The following HECW2 variants were observed in gnomAD, a reference collection of about 807,000 sequenced individuals.
HECW2 encodes HECT, C2 and WW domain containing E3 ubiquitin protein ligase 2.
A neutral mutation model predicts 175.2 loss-of-function variants in HECW2; 61 were observed. The ratio of observed to expected loss-of-function variants is 0.35; its 90% CI spans 0.28 to 0.43. The LOEUF (loss-of-function observed/expected upper bound fraction) is 0.43. Among genes scored for constraint, HECW2 ranks in the 20% least tolerant of loss-of-function variants. HECW2 has a pLI of 1.00. For missense variants in HECW2, 1,524 were observed against 2,000.5 expected (o/e 0.76, Z 4.54); for synonymous variants, 671 against 731.0 (o/e 0.92, Z 1.32).
intron 1 of HECW2, among the ~76,000 whole-genome samples, chr2:196,585,486 C>T (rs1690941479): frequency 6.6e-6 from 1 of 152,154 alleles, no homozygotes; most frequent in African/African-American, 2.4e-5. Flanking sequence ...TAAATGCATG[C>T]TATAGCTGGA....
intron 21 of HECW2, among the ~76,000 whole-genome samples, chr2:196,230,677 C>CTTTGGATAAG (rs1317447137): frequency 1.3e-5 from 2 of 152,214 alleles, no homozygotes; most frequent in Non-Finnish European, 2.9e-5. Flanking sequence ...TAAACTTATC[C>CTTTGGATAAG]TGCCTTTGGA....
At chr2:196,584,388 TA>T (rs146358309) in intron 1 of HECW2, among the ~76,000 whole-genome samples, 2,027 of 152,276 alleles carry the variant, frequency 0.013, 46 homozygotes, top group African/African-American at 0.046. Flanking sequence ...GACCACCTGT[TA>T]AAAACACTGA....
At chr2:196,573,488 G>C (rs1690455820) in intron 1 of HECW2, among the ~76,000 whole-genome samples, 1 of 152,056 alleles carries the variant, frequency 6.6e-6, no homozygotes, top group South Asian at 2.1e-4. Context: ...CTCTGGCAGA[G>C]TGCATGGACA....
intron 3 of HECW2, among the ~76,000 whole-genome samples, chr2:196,342,000 A>G (rs1692769220): frequency 6.6e-6 from 1 of 152,236 alleles, no homozygotes; most frequent in Admixed American, 6.5e-5. Flanking sequence ...TTTAAGTACT[A>G]GTACCCACAC....
At chr2:196,570,325 C>A (rs1469990427) in intron 1 of HECW2, among the ~76,000 whole-genome samples, 1 of 152,192 alleles carries the variant, frequency 6.6e-6, no homozygotes, top group East Asian at 1.9e-4. Context: ...ACCTATCAAA[C>A]CAGCTACCTT....
In HECW2 at chr2:196,433,217, C is replaced by T. The variant is rs80093741; in HGVS notation, c.207G>A (p.Thr69=). 5.4e-3 allele frequency: 8,729 copies of T among 1,614,140 alleles called. 37 individuals are homozygous for T. The highest frequency in any genetic ancestry group is 8.1e-3 in the South Asian group (741 of 91,078). Residue 69 remains threonine (T), a synonymous_variant, in exon 2 of 29, where the codon ACG becomes ACA. Transcript: ENST00000644978. ...SSLTASMYEY[T]LGQAQNLIIF... is the part of the protein sequence containing the mutation. ...TAATGAGGTTCTGGGCTTGCCCCAG[C>T]GTGTACTCGTACATGCTGGCAGTTA... is the stretch of plus-strand genomic sequence containing the variant.
At chr2:196,324,617 G>A (rs1692076224) in intron 6 of HECW2, among the ~76,000 whole-genome samples, 1 of 151,840 alleles carries the variant, frequency 6.6e-6, no homozygotes, top group African/African-American at 2.4e-5. Context: ...CTTGCCTCAG[G>A]CCCTACTATG....
At chr2:196,523,918 G>A (rs1170087905) in intron 1 of HECW2, among the ~76,000 whole-genome samples, 1 of 152,186 alleles carries the variant, frequency 6.6e-6, no homozygotes, top group Non-Finnish European at 1.5e-5. Context: ...GTTCATCAAG[G>A]ATATTGGTCT....
At chr2:196,439,042 A>C (rs886431834) in intron 1 of HECW2, among the ~76,000 whole-genome samples, 6 of 152,198 alleles carry the variant, frequency 3.9e-5, no homozygotes, top group African/African-American at 1.4e-4. Flanking sequence ...GTTATTTGTA[A>C]GTCAGTACAT....
At chr2:196,371,094 T>C (rs1693896720) in intron 2 of HECW2, among the ~76,000 whole-genome samples, 2 of 152,178 alleles carry the variant, frequency 1.3e-5, no homozygotes, top group Admixed American at 1.3e-4. Context: ...GAGGCTTCTA[T>C]TCCACCATCT....
Position 196,329,570 on chromosome 2 carries a change from C to T in HECW2, c.571+5G>A. ...ACTGGATGTCACGTTTAAAGACATT[C>T]TTACCTGACAATGTAAAGCTAACAA... On this transcript the variant is annotated splice_donor_5th_base_variant and intron_variant, in intron 5 of 28. Coordinates refer to ENST00000644978, the MANE Select transcript of HECW2 (RefSeq NM_001348768.2). 1.2e-6 allele frequency: 2 copies of T among 1,610,668 alleles called. No individual in the cohort carries two copies. The highest frequency in any genetic ancestry group is 1.7e-6 in the Non-Finnish European group (2 of 1,176,980).
intron 22 of HECW2, among the ~76,000 whole-genome samples, chr2:196,227,531 T>C (rs550853661): frequency 1.3e-5 from 2 of 148,776 alleles, no homozygotes; most frequent in African/African-American, 4.9e-5. Flanking sequence ...TGGCCACTGC[T>C]TGTGACTCCC....
intron 1 of HECW2, among the ~76,000 whole-genome samples, chr2:196,469,550 A>T (rs1464610532): frequency 3.3e-5 from 5 of 152,016 alleles, no homozygotes; most frequent in Admixed American, 3.3e-4. Context: ...TAAAAAATGT[A>T]ATAAAAAGTA....
At chr2:196,504,261 A>C (rs970139263) in intron 1 of HECW2, among the ~76,000 whole-genome samples, 2 of 144,152 alleles carry the variant, frequency 1.4e-5, no homozygotes, top group Non-Finnish European at 3.0e-5. Context: ...GTGCCACTGC[A>C]CTCCAGCTGG....
chr2:196,583,207 A>G (rs1268318291), intron 1 of HECW2, among the ~76,000 whole-genome samples: 1 of 152,032 alleles, frequency 6.6e-6, no homozygotes, highest in Non-Finnish European at 1.5e-5. Flanking sequence ...TCACCTACAT[A>G]CCTGAACTAC....
intron 2 of HECW2, among the ~76,000 whole-genome samples, chr2:196,351,324 C>T (rs1693163857): frequency 6.6e-6 from 1 of 151,608 alleles, no homozygotes; most frequent in African/African-American, 2.4e-5. Flanking sequence ...TAATTTTTTT[C>T]CTGTACATGA....
intron 2 of HECW2, among the ~76,000 whole-genome samples, chr2:196,374,046 A>T (rs980701215): frequency 6.7e-5 from 10 of 148,666 alleles, no homozygotes; most frequent in South Asian, 6.3e-4. Flanking sequence ...AAAATAAAAT[A>T]AAATAAATAA....
intron 1 of HECW2, among the ~76,000 whole-genome samples, chr2:196,490,088 A>AG (rs1184825935): frequency 2.6e-5 from 4 of 152,186 alleles, no homozygotes; most frequent in African/African-American, 9.6e-5. Context: ...CCACTGTGGG[A>AG]GATGGCTAAT....
intron 22 of HECW2, among the ~76,000 whole-genome samples, chr2:196,226,261 CT>C (rs1687847378): frequency 6.6e-6 from 1 of 152,066 alleles, no homozygotes; most frequent in African/African-American, 2.4e-5. Flanking sequence ...CTCCCTCCTG[CT>C]TTTGTCATAT....
Sources: allele counts gnomAD v4.1 joint callset (sites outside exome capture counted in the v4.1 genomes callset), GRCh38; gene constraint gnomAD v4.1.1; transcripts MANE v1.5; gene names NCBI Gene and HGNC (gene_info 2026-07-23, HGNC 2026-07-21).